Variants in CHST8 observed in about 807,000 individuals in gnomAD.
CHST8 encodes the protein GALNAC-4-ST1.
In CHST8, 10 loss-of-function variants were observed where a neutral mutation model predicts 15.0. That is an observed-to-expected ratio of 0.67 (90% CI 0.41 to 1.13). The LOEUF (loss-of-function observed/expected upper bound fraction) is 1.13, where lower values mean the gene tolerates loss of function less well. Ranked by LOEUF, CHST8 falls within the 50% of genes most tolerant of loss-of-function variation. The probability of loss-of-function intolerance (pLI) is 0.00; values close to 1 mark genes in which losing one functional copy is unlikely to be tolerated. For synonymous variants in CHST8, 259 were observed against 256.6 expected, an observed-to-expected ratio of 1.01 and a Z score of -0.09; for missense variants, 634 against 608.2, an observed-to-expected ratio of 1.04 and a Z score of -0.45.
chr19:33,659,059 C>CTTTTTTTTT lies in CHST8; in HGVS notation c.-163-8693_-163-8685dup, dbSNP rs71181374. On this transcript the variant is annotated intron_variant, in intron 1 of 4. Coordinates refer to ENST00000650847, the MANE Select transcript of CHST8 (RefSeq NM_001127895.2). ...TTATTGTTTCATGGTTAGGTAATGA[C>CTTTTTTTTT]TTTTTTTTTTTTTTTTTTTTTTTGA... Among the ~76,000 whole-genome samples the CTTTTTTTTT allele has an allele frequency of 1.7e-3, 134 of 78,840 alleles. 3 individuals carry two copies. The highest frequency in any genetic ancestry group is 2.9e-3 in the Admixed American group (14 of 4,854). The allele number at this position is 78,840 out of a possible 152,430, so 51.7% of individuals were successfully genotyped here.
intron 3 of CHST8, among the ~76,000 whole-genome samples, chr19:33,756,368 A>G (rs1362919031): frequency 6.6e-6 from 1 of 152,080 alleles, no homozygotes; most frequent in Non-Finnish European, 1.5e-5. Flanking sequence ...TCCCAAACCG[A>G]GGTATGTGGC....
intron 3 of CHST8, among the ~76,000 whole-genome samples, chr19:33,696,841 AG>A (rs1285623333): frequency 6.8e-6 from 1 of 147,378 alleles, no homozygotes; most frequent in Non-Finnish European, 1.5e-5. Flanking sequence ...TTGTTTTTTA[AG>A]TTTTTTTTTT....
intron 1 of CHST8, among the ~76,000 whole-genome samples, chr19:33,633,774 C>CGTGTGTGTGTGT (rs55655047): frequency 2.6e-4 from 36 of 141,170 alleles, no homozygotes; most frequent in East Asian, 1.9e-3. Flanking sequence ...TTTTCTTTTT[C>CGTGTGTGTGTGT]GTGTGTGTGT....
intron 2 of CHST8, among the ~76,000 whole-genome samples, chr19:33,687,750 G>A (rs536762914): frequency 5.6e-4 from 86 of 152,338 alleles, no homozygotes; most frequent in Non-Finnish European, 1.1e-3. Flanking sequence ...GTCGTGGGCA[G>A]GGGAGCAGGG....
intron 1 of CHST8, among the ~76,000 whole-genome samples, chr19:33,624,667 A>G (rs1972028217): frequency 6.6e-6 from 1 of 152,112 alleles, no homozygotes; most frequent in African/African-American, 2.4e-5. Context: ...AAAAGGGGAG[A>G]GTCAGATTTG....
chr19:33,753,334 C>T (rs1393473200), intron 3 of CHST8, among the ~76,000 whole-genome samples: 2 of 151,544 alleles, frequency 1.3e-5, no homozygotes. Flanking sequence ...CTAACACCAC[C>T]AACTGTCCTC....
At chr19:33,654,910 C>G (rs1471383288) in intron 1 of CHST8, among the ~76,000 whole-genome samples, 1 of 152,086 alleles carries the variant, frequency 6.6e-6, no homozygotes, top group Non-Finnish European at 1.5e-5. Context: ...GTTCATTGTT[C>G]CAGCTCATGC....
At chr19:33,672,763 C>T (rs998721628) in intron 2 of CHST8, among the ~76,000 whole-genome samples, 3 of 152,150 alleles carry the variant, frequency 2.0e-5, no homozygotes, top group Non-Finnish European at 2.9e-5. Flanking sequence ...GAGAGCAGGA[C>T]GCTTGGCGTG....
chr19:33,722,352 CTGAT>C (rs1322699724), intron 3 of CHST8, among the ~76,000 whole-genome samples: 2 of 151,850 alleles, frequency 1.3e-5, no homozygotes, highest in African/African-American at 2.4e-5. Context: ...GGTGGACAGA[CTGAT>C]GGATGGACGG....
intron 3 of CHST8, among the ~76,000 whole-genome samples, chr19:33,713,653 A>G (rs8109680): frequency 2.0e-5 from 3 of 151,640 alleles, no homozygotes; most frequent in Non-Finnish European, 4.4e-5. Context: ...GCAACCTCCA[A>G]CTCCCAGGTT....
intron 3 of CHST8, among the ~76,000 whole-genome samples, chr19:33,761,221 A>C (rs1223450531): frequency 6.6e-6 from 1 of 152,234 alleles, no homozygotes; most frequent in Non-Finnish European, 1.5e-5. Context: ...GAAGACAAGC[A>C]GCCAGGCACG....
intron 1 of CHST8, among the ~76,000 whole-genome samples, chr19:33,649,301 T>C (rs1394144389): frequency 2.6e-5 from 4 of 152,116 alleles, no homozygotes; most frequent in African/African-American, 7.2e-5. Context: ...ATGTATCTCA[T>C]TGGGGATGCA....
chr19:33,730,868 C>A (rs753463609), intron 3 of CHST8, among the ~76,000 whole-genome samples: 3 of 152,210 alleles, frequency 2.0e-5, no homozygotes, highest in Admixed American at 6.5e-5. Context: ...GAGCCCCTGG[C>A]AAACAACTGG....
intron 3 of CHST8, among the ~76,000 whole-genome samples, chr19:33,715,235 G>A (rs1973644939): frequency 6.6e-6 from 1 of 152,176 alleles, no homozygotes; most frequent in African/African-American, 2.4e-5. Flanking sequence ...GTGTGTGAAT[G>A]CCAGAAGCTC....
intron 1 of CHST8, among the ~76,000 whole-genome samples, chr19:33,638,283 C>T (rs1264393671): frequency 2.6e-5 from 4 of 152,174 alleles, no homozygotes; most frequent in Non-Finnish European, 4.4e-5. Context: ...TCCAGCCCCT[C>T]CAGCCTCCTC....
intron 1 of CHST8, among the ~76,000 whole-genome samples, chr19:33,658,893 G>C (rs868508848): frequency 4.6e-5 from 7 of 151,972 alleles, no homozygotes; most frequent in African/African-American, 1.7e-4. Flanking sequence ...AGATTCCAGA[G>C]TGTGGATTTA....
chr19:33,659,745 A>G (rs529166524), intron 1 of CHST8, among the ~76,000 whole-genome samples: 1 of 152,234 alleles, frequency 6.6e-6, no homozygotes, highest in South Asian at 2.1e-4. Flanking sequence ...AGGGAGGTGG[A>G]GGCTGCAGTG....
rs566720901 is a variant in CHST8, at chr19:33,770,606, G to T, written c.131-807G>T. 7.2e-5 allele frequency among the ~76,000 whole-genome samples: 11 copies of T among 152,372 alleles called. No homozygotes were observed. In the East Asian group the frequency reaches 2.1e-3, roughly 29 times the overall value. On this transcript the variant is annotated intron_variant, in intron 3 of 4. Coordinates refer to ENST00000650847, the MANE Select transcript of CHST8 (RefSeq NM_001127895.2). ...CCAAAGGTTCACCTCACCAGAGCTT[G>T]CTTCTTAGGTGAGCCCAGCCCAGGC...
intron 3 of CHST8, among the ~76,000 whole-genome samples, chr19:33,700,058 A>T (rs73926589): frequency 6.6e-6 from 1 of 152,000 alleles, no homozygotes; most frequent in African/African-American, 2.4e-5. Flanking sequence ...CCTCTCAGAG[A>T]GAGTCCGGTC....
Sources: allele counts gnomAD v4.1 joint callset (sites outside exome capture counted in the v4.1 genomes callset), GRCh38; gene constraint gnomAD v4.1.1; transcripts MANE v1.5; gene names NCBI Gene and HGNC (gene_info 2026-07-23, HGNC 2026-07-21).